Variants in MAPK14 observed in about 807,000 individuals in gnomAD.
MAPK14 encodes the protein CSAID-binding protein.
A neutral mutation model predicts 49.6 loss-of-function variants in MAPK14; 16 were observed. That is an observed-to-expected ratio of 0.32 (90% CI 0.22 to 0.49). The LOEUF is 0.49. MAPK14 is among the 20% of genes least tolerant of loss of function. The pLI is 0.99. For missense variants in MAPK14, 200 were observed against 441.2 expected (o/e 0.45, Z 4.90); for synonymous variants, 142 against 158.0 (o/e 0.90, Z 0.76).
intron 1 of MAPK14, among the ~76,000 whole-genome samples, chr6:36,044,788 T>C (rs577262015): frequency 6.6e-6 from 1 of 152,262 alleles, no homozygotes; most frequent in African/African-American, 2.4e-5. Flanking sequence ...CTGAAGAATA[T>C]GGAGCTTATC....
chr6:36,067,334 C>T lies in MAPK14; in HGVS notation c.306-5539C>T, dbSNP rs143494900. ...CCCTCTCCTGTGTGTTCTCCATCAC[C>T]GTATGTCCCTTTATTATGATTATAT... On this transcript the variant is annotated intron_variant, in intron 3 of 11. Coordinates refer to ENST00000229794, the MANE Select transcript of MAPK14 (RefSeq NM_139012.3). Among the ~76,000 whole-genome samples the T allele has an allele frequency of 5.3e-5, 8 of 152,176 alleles. No homozygotes were observed. The East Asian group carries it at 1.2e-3, about 22-fold the overall frequency.
intron 3 of MAPK14, among the ~76,000 whole-genome samples, chr6:36,062,428 G>A (rs1763859049): frequency 6.6e-6 from 1 of 152,140 alleles, no homozygotes; most frequent in Non-Finnish European, 1.5e-5. Flanking sequence ...GGTGGGGTCT[G>A]TGGCAAAATA....
At chr6:36,037,466 C>A (rs1041912340) in intron 1 of MAPK14, among the ~76,000 whole-genome samples, 5 of 151,872 alleles carry the variant, frequency 3.3e-5, no homozygotes, top group Admixed American at 3.3e-4. Flanking sequence ...TGGCCTTGGG[C>A]AAATGGATAT....
chr6:36,050,707 C>T (rs914763943), intron 1 of MAPK14, among the ~76,000 whole-genome samples: 5 of 152,114 alleles, frequency 3.3e-5, no homozygotes, highest in African/African-American at 9.7e-5. Context: ...ATAGAACAAA[C>T]GGAAAGTAAT....
intron 7 of MAPK14, 131 bp from the exon 8 acceptor site, chr6:36,076,406 A>G: frequency 2.9e-6 from 2 of 686,836 alleles, no homozygotes; most frequent in Non-Finnish European, 5.1e-6. Context: ...TGTAAAAATG[A>G]GTATGATTGT....
At chr6:36,090,395 C>T (rs540196835) in intron 8 of MAPK14, among the ~76,000 whole-genome samples, 1 of 152,050 alleles carries the variant, frequency 6.6e-6, no homozygotes, top group South Asian at 2.1e-4. Context: ...GCAATCTCGG[C>T]TCACTGCAAC....
At chr6:36,096,406 T>G in intron 9 of MAPK14, 1 of 206,432 alleles carries the variant, frequency 4.8e-6, no homozygotes, top group Admixed American at 5.5e-5. Context: ...AAGACCTGAC[T>G]TTCTTCTTTC....
intron 10 of MAPK14, among the ~76,000 whole-genome samples, chr6:36,105,648 A>G (rs1316506149): frequency 6.6e-6 from 1 of 152,186 alleles, no homozygotes; most frequent in Non-Finnish European, 1.5e-5. Context: ...TGACACATGA[A>G]TATTTACTTT....
chr6:36,079,270 C>G (rs1416202180), intron 8 of MAPK14, among the ~76,000 whole-genome samples: 1 of 152,186 alleles, frequency 6.6e-6, no homozygotes, highest in Non-Finnish European at 1.5e-5. Flanking sequence ...CTGTTCTTCG[C>G]TGTTCTTCTA....
intron 8 of MAPK14, among the ~76,000 whole-genome samples, chr6:36,079,437 T>C (rs889543035): frequency 1.3e-5 from 2 of 152,064 alleles, no homozygotes; most frequent in Admixed American, 6.6e-5. Flanking sequence ...CTGGGCCACA[T>C]TGGAAGAAGA....
intron 9 of MAPK14, chr6:36,098,108 T>G (rs1199896377): frequency 6.6e-6 from 1 of 151,494 alleles, no homozygotes; most frequent in Non-Finnish European, 1.5e-5. Flanking sequence ...TTTTAAAAAT[T>G]AAAAAAAGAA....
chr6:36,048,867 G>A (rs1763287458), intron 1 of MAPK14, among the ~76,000 whole-genome samples: 1 of 152,102 alleles, frequency 6.6e-6, no homozygotes, highest in Non-Finnish European at 1.5e-5. Flanking sequence ...ATATATAGAT[G>A]GCATTTAATT....
rs548408562 is a variant in MAPK14 at position 36,110,580 on chromosome 6, G to A, written c.*2133G>A. The A allele has an allele frequency of 6.5e-6, 1 of 152,772 alleles. No homozygotes were observed. The highest frequency in any genetic ancestry group is 2.1e-4 in the South Asian group (1 of 4,826). 9.5% of individuals were successfully genotyped at this position (152,772 alleles called of 1,614,324 possible). A position where few individuals can be genotyped will look rare whatever the true frequency, so the allele number is the denominator to read the frequency against. On this transcript the variant is annotated 3_prime_UTR_variant, in exon 12 of 12. Coordinates refer to ENST00000229794, the MANE Select transcript of MAPK14 (RefSeq NM_139012.3). Reference sequence around the variant, plus strand: ...GGACTCTAAGCTGGAGCTCTTGGAAGAGCTCTTCGGTTTCTGAGCATAATG... The same window carrying A: ...GGACTCTAAGCTGGAGCTCTTGGAAAAGCTCTTCGGTTTCTGAGCATAATG...
chr6:36,033,730 T>C (rs1762634340), intron 1 of MAPK14, among the ~76,000 whole-genome samples: 1 of 152,242 alleles, frequency 6.6e-6, no homozygotes, highest in South Asian at 2.1e-4. Context: ...TAGCCCAGTC[T>C]CAGAGATGAT....
chr6:36,050,721 C>T (rs1350180964), intron 1 of MAPK14, among the ~76,000 whole-genome samples: 1 of 152,096 alleles, frequency 6.6e-6, no homozygotes, highest in Non-Finnish European at 1.5e-5. Context: ...AAGTAATGGT[C>T]CTGAAGTGGT....
Position 36,028,165 on chromosome 6 carries a change from A to T in MAPK14, c.8A>T (p.Gln3Leu), listed in dbSNP as rs780050022. 6.2e-7 allele frequency: 1 copy of T among 1,612,326 alleles called. No individual in the cohort carries two copies. Among genetic ancestry groups the T allele is most frequent in the East Asian group, 2.2e-5 (1 of 44,760 alleles). MS[Q>L]ERPTFYRQEL... ...GGCGGCTGCCGCTGGAAAATGTCTC[A>T]GGAGAGGCCCACGTTCTACCGGCAG... Residue 3 changes from glutamine (Q) to leucine (L), a missense_variant, in exon 1 of 12, where the codon CAG becomes CTG. Coordinates refer to ENST00000229794, the MANE Select transcript of MAPK14 (RefSeq NM_139012.3). The surrounding 1 kb of genome is among the most constrained non-coding windows in gnomAD (Gnocchi z 5.1).
chr6:36,053,472 A>C (rs1414022808), intron 2 of MAPK14, among the ~76,000 whole-genome samples: 3 of 152,090 alleles, frequency 2.0e-5, no homozygotes, highest in Admixed American at 1.3e-4. Context: ...GATGCTTACA[A>C]ATTCTAATAC....
the MAPK14 span, among the ~76,000 whole-genome samples, chr6:36,117,609 C>A: frequency 6.6e-6 from 1 of 152,138 alleles, no homozygotes. Flanking sequence ...AAAAGAAAAA[C>A]ATATAAAGGT....
rs528470589 is a variant in MAPK14, at chr6:36,046,084, C to A, written c.117-6615C>A. On this transcript the variant is annotated intron_variant, in intron 1 of 11. Coordinates refer to ENST00000229794, the MANE Select transcript of MAPK14 (RefSeq NM_139012.3). ...AGGGGAGGCAAGTATGAATGTGTAA[C>A]AAAACATTGAAGTTTATTTAATGAT... is the stretch of plus-strand genomic sequence containing the variant. 4.6e-5 allele frequency among the ~76,000 whole-genome samples: 7 copies of A among 152,164 alleles called. No individual in the cohort carries two copies. In the South Asian group the frequency reaches 1.2e-3, roughly 27 times the overall value.
Sources: allele counts gnomAD v4.1 joint callset (sites outside exome capture counted in the v4.1 genomes callset), GRCh38; gene constraint gnomAD v4.1.1; non-coding constraint Gnocchi (gnomAD v3.1); transcripts MANE v1.5; gene names NCBI Gene and HGNC (gene_info 2026-07-23, HGNC 2026-07-21).